TKT: variants seen among roughly 807,000 people sequenced by gnomAD.
TKT encodes the protein transketolase.
Under a neutral mutation model 63.9 loss-of-function variants are expected in TKT, and 47 were observed. The observed-to-expected ratio is 0.74, with a 90% CI of 0.58 to 0.94. The LOEUF is 0.94. Among genes scored for constraint, TKT ranks in the 40% least tolerant of loss-of-function variants. The probability of loss-of-function intolerance (pLI) is 0.00; values close to 1 mark genes in which losing one functional copy is unlikely to be tolerated. For missense variants in TKT, 721 were observed against 846.2 expected (o/e 0.85, Z 1.84); for synonymous variants, 338 against 334.1 (o/e 1.01, Z -0.13).
rs1553676797 is a variant in TKT at position 53,230,572 on chromosome 3, G to T, written c.992C>A (p.Ala331Asp). Reference sequence around the variant, plus strand: ...ATCCAGGGCGATGATGCGGTCACTGGCATGGCCCAGCTTGGCCAGTGCCTG... The same window carrying T: ...ATCCAGGGCGATGATGCGGTCACTGTCATGGCCCAGCTTGGCCAGTGCCTG... ...YGQALAKLGH[A>D]SDRIIALDGD... Residue 331 changes from alanine to aspartate, a missense_variant, in exon 8 of 14, where the codon GCC (alanine) becomes GAC (aspartate). Physicochemically the swap from Ala to Asp is moderately radical, Grantham distance 126 (BLOSUM62 -2). Coordinates refer to ENST00000462138, the MANE Select transcript of TKT (RefSeq NM_001064.4). 6.2e-7 allele frequency: 1 copy of T among 1,614,228 alleles called. No individual in the cohort carries two copies. The highest frequency in any genetic ancestry group is 1.6e-4 in the Middle Eastern group (1 of 6,062).
intron 1 of TKT, 21 bp from the exon 2 acceptor site, chr3:53,242,263 C>A (rs1553680088): frequency 6.2e-7 from 1 of 1,608,002 alleles, no homozygotes. Context: ...GGAGAGAAGA[C>A]AGACACAGGC....
intron 1 of TKT, among the ~76,000 whole-genome samples, chr3:53,248,336 C>T (rs1445325613): frequency 6.6e-6 from 1 of 152,170 alleles, no homozygotes; most frequent in Non-Finnish European, 1.5e-5. Context: ...ACGGAATATT[C>T]AGCCGTAAAA....
chr3:53,240,187 G>T (rs1553679467), intron 4 of TKT, 64 bp downstream of exon 4: 3 of 1,491,462 alleles, frequency 2.0e-6, no homozygotes, highest in Non-Finnish European at 2.8e-6. Flanking sequence ...ATGGTGAAGG[G>T]TGGGTCACCC....
chr3:53,247,704 A>G (rs1705579738), intron 1 of TKT, among the ~76,000 whole-genome samples: 1 of 151,710 alleles, frequency 6.6e-6, no homozygotes, highest in South Asian at 2.1e-4. Flanking sequence ...TGAACATCAG[A>G]AGCAGTTCTT....
chr3:53,228,931 C>T (rs1704618958), intron 10 of TKT, 76 bp downstream of exon 10: 3 of 1,574,758 alleles, frequency 1.9e-6, no homozygotes, highest in African/African-American at 1.4e-5. Flanking sequence ...AGCAAGTGAC[C>T]AGCTCTGGCC....
chr3:53,243,314 C>T (rs1203913022), intron 1 of TKT, among the ~76,000 whole-genome samples: 1 of 152,094 alleles, frequency 6.6e-6, no homozygotes, highest in East Asian at 1.9e-4. Context: ...CCCGGGAGGG[C>T]CCCTCCACAT....
intron 1 of TKT, among the ~76,000 whole-genome samples, chr3:53,250,259 G>A (rs182871264): frequency 2.0e-5 from 3 of 152,286 alleles, no homozygotes; most frequent in Admixed American, 1.3e-4. Flanking sequence ...CCAGAGAGGC[G>A]GAGCCACATG....
rs1704698482 is a variant in TKT, at chr3:53,230,449, G to A, written c.1107+8C>T. 2 of 1,614,174 alleles carry A rather than the reference G, an allele frequency of 1.2e-6. No individual in the cohort carries two copies. ...GGTGGACCTGTCCCTGCCGGCCCCA[G>A]CACCTACCATGTTCTGCTCAGCAAT... On this transcript the variant is annotated splice_region_variant and intron_variant, in intron 8 of 13. Coordinates refer to ENST00000462138, the MANE Select transcript of TKT (RefSeq NM_001064.4).
chr3:53,230,373 C>T, intron 8 of TKT, 84 bp downstream of exon 8: 1 of 1,571,244 alleles, frequency 6.4e-7, no homozygotes. Context: ...AGGCACCTGG[C>T]TCTGCCAACA....
chr3:53,247,323 C>T (rs1348593715), intron 1 of TKT, among the ~76,000 whole-genome samples: 6 of 143,176 alleles, frequency 4.2e-5, no homozygotes, highest in African/African-American at 1.6e-4. Context: ...CACCATTGCA[C>T]TCCAGCCTGG....
Position 53,225,900 on chromosome 3 carries a change from T to A in TKT, c.1728A>T (p.Val576=), listed in dbSNP as rs782060396. ...GGIGEAVSSA[V]VGEPGITVTH... ...TGACAGTGATGCCAGGCTCGCCCAC[T>A]ACTGCACTGGACACAGCCTCACCAA... The change falls in exon 14 of 14, where the codon GTA becomes GTT. Residue 576 remains valine (V), a synonymous_variant. Coordinates refer to ENST00000462138, the MANE Select transcript of TKT (RefSeq NM_001064.4). 6.2e-7 allele frequency: 1 copy of A among 1,613,466 alleles called. No homozygotes were observed. The highest frequency in any genetic ancestry group is 1.8e-4 in the Middle Eastern group (1 of 5,686).
intron 6 of TKT, 57 bp from the exon 7 acceptor site, chr3:53,231,607 C>T: frequency 6.5e-7 from 1 of 1,542,362 alleles, no homozygotes; most frequent in Non-Finnish European, 8.8e-7. Context: ...TCCCAGAGGG[C>T]CAGGAGGCTG....
rs782390818 is a variant in TKT at position 53,229,408 on chromosome 3, C to T, written c.1136G>A (p.Arg379His). The change falls in exon 9 of 14, where the codon CGC (arginine) becomes CAC (histidine). Residue 379 changes from arginine to histidine, a missense_variant. Transcript: ENST00000462138. ...GCTGCAGAAGGGCACCGTCCTGTTG[C>T]GGGTGGCACAGCCCACCGCGATGCT... ...MVSIAVGCAT[R>H]NRTVPFCSTF... 1.9e-5 allele frequency: 31 copies of T among 1,610,094 alleles called. No homozygotes were observed. The highest frequency in any genetic ancestry group is 8.9e-5 in the East Asian group (4 of 44,732).
At chr3:53,241,682 G>A (rs535692875) in intron 2 of TKT, among the ~76,000 whole-genome samples, 4 of 152,284 alleles carry the variant, frequency 2.6e-5, no homozygotes, top group African/African-American at 9.6e-5. Context: ...GGGGGTCAGG[G>A]GGTCCCCATC....
chr3:53,255,748 C>G lies in TKT; in HGVS notation c.107+88G>C, dbSNP rs938999266. Reference sequence around the variant, plus strand: ...CCTTCCTCGTCTAGGCATCTCGCAGCGCGACCCAGAGCCCGCGGCGACTCT... The same window carrying G: ...CCTTCCTCGTCTAGGCATCTCGCAGGGCGACCCAGAGCCCGCGGCGACTCT... On this transcript the variant is annotated intron_variant, in intron 1 of 13. Transcript: ENST00000462138. 15 of 901,010 alleles carry G rather than the reference C, an allele frequency of 1.7e-5. 1 individual carries two copies. The South Asian group carries it at 4.4e-4, about 26-fold the overall frequency. The allele number at this position is 901,010 out of a possible 1,614,324, so 55.8% of individuals were successfully genotyped here.
intron 3 of TKT, 135 bp from the exon 4 acceptor site, chr3:53,240,483 T>A: frequency 3.0e-6 from 2 of 669,400 alleles, no homozygotes; most frequent in South Asian, 2.1e-5. Context: ...GGCCTCTACC[T>A]AGCATGTGAC....
intron 1 of TKT, among the ~76,000 whole-genome samples, chr3:53,245,183 G>A (rs1705452129): frequency 6.6e-6 from 1 of 151,610 alleles, no homozygotes; most frequent in South Asian, 2.1e-4. Flanking sequence ...GTGGACGCCT[G>A]TAATCCCAGC....
At chr3:53,228,426 T>A (rs1267177453) in intron 10 of TKT, 67 bp from the exon 11 acceptor site, 1 of 1,552,276 alleles carries the variant, frequency 6.4e-7, no homozygotes, top group Non-Finnish European at 8.8e-7. Context: ...ACGAGGTCTT[T>A]CTAGAGAGGC....
chr3:53,243,756 G>A (rs529912215), intron 1 of TKT: 17 of 404,830 alleles, frequency 4.2e-5, no homozygotes, highest in South Asian at 1.1e-4. Context: ...AGCTTCAACT[G>A]GAGGTCACCT....
Sources: gnomAD v4.1 joint callset for allele counts (sites outside exome capture counted in the v4.1 genomes callset) on GRCh38, gnomAD v4.1.1 for gene constraint, MANE v1.5 for transcripts, NCBI Gene and HGNC (gene_info 2026-07-23, HGNC 2026-07-21) for gene names.